The following TMC1 variants were observed in gnomAD, a reference collection of about 807,000 sequenced individuals.
The protein encoded by TMC1 is transmembrane channel-like protein 1.
Under a neutral mutation model 105.8 loss-of-function variants are expected in TMC1, and 84 were observed. The ratio of observed to expected loss-of-function variants is 0.79; its 90% CI spans 0.67 to 0.95. The LOEUF (loss-of-function observed/expected upper bound fraction) is 0.95. TMC1 is among the 40% of genes least tolerant of loss of function. The probability of loss-of-function intolerance (pLI) is 0.00; values close to 1 mark genes in which losing one functional copy is unlikely to be tolerated. For synonymous variants in TMC1, 315 were observed against 311.5 expected (o/e 1.01, Z -0.12); for missense variants, 817 against 914.1 (o/e 0.89, Z 1.37).
chr9:72,788,744 A>G (rs1348118423), intron 14 of TMC1, among the ~76,000 whole-genome samples: 1 of 152,232 alleles, frequency 6.6e-6, no homozygotes, highest in Non-Finnish European at 1.5e-5. Context: ...TAGGACCATG[A>G]GTAATCAGAA....
At chr9:72,730,895 T>C (rs986062313) in intron 8 of TMC1, among the ~76,000 whole-genome samples, 4 of 152,198 alleles carry the variant, frequency 2.6e-5, no homozygotes, top group Non-Finnish European at 4.4e-5. Context: ...TATGAAAATC[T>C]AATGTGACTG....
intron 10 of TMC1, among the ~76,000 whole-genome samples, chr9:72,750,944 A>G (rs1272360194): frequency 6.6e-6 from 1 of 152,162 alleles, no homozygotes; most frequent in Non-Finnish European, 1.5e-5. Context: ...GCTCTTCCCC[A>G]GCTCAGCATG....
intron 4 of TMC1, among the ~76,000 whole-genome samples, chr9:72,644,604 C>T (rs992762681): frequency 1.6e-4 from 25 of 152,054 alleles, no homozygotes; most frequent in Admixed American, 1.6e-3. Flanking sequence ...TTTTCTGTTT[C>T]AGTGATTCAT....
intron 16 of TMC1, 36 bp downstream of exon 16, chr9:72,792,101 G>C: frequency 6.2e-7 from 1 of 1,613,708 alleles, no homozygotes; most frequent in South Asian, 1.1e-5. Flanking sequence ...TGCCATAAGA[G>C]TGTTGTTCAA....
Position 72,541,408 on chromosome 9 carries a change from C to T in TMC1, c.-428+19495C>T, listed in dbSNP as rs527534476. On this transcript the variant is annotated intron_variant, in intron 1 of 23. Transcript: ENST00000297784. ...AATAACTTAAAGAGCCTAGAAGCGG[C>T]TGGGTGCGATGGCTCATGCCTATAA... Among the ~76,000 whole-genome samples the T allele has an allele frequency of 6.6e-5, 10 of 152,132 alleles. No homozygotes were observed. In the East Asian group the frequency reaches 1.7e-3, roughly 26 times the overall value.
Position 72,837,941 on chromosome 9 carries a change from C to A in TMC1, c.*1968C>A, listed in dbSNP as rs997156411. 2.0e-5 allele frequency: 3 copies of A among 152,080 alleles called. No homozygotes were observed. Among genetic ancestry groups the A allele is most frequent in the Admixed American group, 2.0e-4 (3 of 15,264 alleles). 9.4% of individuals were successfully genotyped at this position (152,080 alleles called of 1,614,324 possible). Reference sequence around the variant, plus strand: ...GGCTCTTATGTCTGTAATTCAGAGTCTATTATTTATATTGATTTTCATGTG... The same window carrying A: ...GGCTCTTATGTCTGTAATTCAGAGTATATTATTTATATTGATTTTCATGTG... On this transcript the variant is annotated 3_prime_UTR_variant, in exon 24 of 24. Transcript: ENST00000297784.
intron 8 of TMC1, among the ~76,000 whole-genome samples, chr9:72,720,618 T>C (rs1229583671): frequency 6.6e-6 from 1 of 152,208 alleles, no homozygotes; most frequent in Non-Finnish European, 1.5e-5. Flanking sequence ...CGCCTGATCA[T>C]AGCAGTAGCT....
chr9:72,589,940 G>C (rs978154170), intron 2 of TMC1, among the ~76,000 whole-genome samples: 6 of 152,160 alleles, frequency 3.9e-5, no homozygotes, highest in African/African-American at 1.2e-4. Context: ...CTGATGAACT[G>C]CAGGGTATCC....
At chr9:72,814,596 G>A (rs1828752942) in intron 18 of TMC1, among the ~76,000 whole-genome samples, 2 of 152,090 alleles carry the variant, frequency 1.3e-5, no homozygotes, top group Non-Finnish European at 1.5e-5. Context: ...ATTTCATTAT[G>A]TATCATCCTA....
intron 1 of TMC1, among the ~76,000 whole-genome samples, chr9:72,576,614 ATTTCTTTTTTTTTTT>A (rs1441484285): frequency 7.7e-6 from 1 of 129,556 alleles, no homozygotes; most frequent in Non-Finnish European, 1.6e-5. Context: ...TGGACTCCCA[ATTTCTTTTTTTTTTT>A]TTTCTTTTTT....
intron 1 of TMC1, among the ~76,000 whole-genome samples, chr9:72,527,777 G>A (rs1823430402): frequency 6.6e-6 from 1 of 152,220 alleles, no homozygotes; most frequent in Admixed American, 6.5e-5. Flanking sequence ...CGGTGCAAGG[G>A]GAAGGGGCTT....
chr9:72,603,485 C>G (rs1283012494), intron 2 of TMC1, among the ~76,000 whole-genome samples: 1 of 152,086 alleles, frequency 6.6e-6, no homozygotes, highest in African/African-American at 2.4e-5. Flanking sequence ...ACAGATTTCT[C>G]TGTTCTGAAG....
chr9:72,778,993 A>AC (rs1828049058), intron 13 of TMC1, among the ~76,000 whole-genome samples: 1 of 152,110 alleles, frequency 6.6e-6, no homozygotes, highest in Non-Finnish European at 1.5e-5. Flanking sequence ...ATGAGCACAG[A>AC]CCCCACTGCC....
rs1216149181 is a variant in TMC1, at chr9:72,695,648, C to A, written c.236+934C>A. On this transcript the variant is annotated intron_variant, in intron 7 of 23. Coordinates refer to ENST00000297784, the MANE Select transcript of TMC1 (RefSeq NM_138691.3). ...TCCCAAGATGACACACTTCTATACT[C>A]AATAGCTCTAACTATTGTGTTATTC... Among the ~76,000 whole-genome samples, 5 of 152,106 alleles carry A rather than the reference C, an allele frequency of 3.3e-5. 1 individual carries two copies. The highest frequency in any genetic ancestry group is 1.5e-5 in the Non-Finnish European group (1 of 68,014).
At chr9:72,656,174 C>T (rs995151284) in intron 5 of TMC1, 3 of 584,688 alleles carry the variant, frequency 5.1e-6, no homozygotes, top group South Asian at 2.8e-5. Flanking sequence ...GGTGTTTTTC[C>T]GGTATCCTTA....
intron 1 of TMC1, among the ~76,000 whole-genome samples, chr9:72,575,458 C>T (rs1020672220): frequency 1.3e-5 from 2 of 152,076 alleles, no homozygotes; most frequent in African/African-American, 4.8e-5. Flanking sequence ...TGGGATTACA[C>T]GTGTGAGCCA....
In TMC1 at chr9:72,648,271, T is replaced by C. The variant is rs547286836; in HGVS notation, c.-52-326T>C. Among the ~76,000 whole-genome samples the C allele has an allele frequency of 9.2e-4, 140 of 152,236 alleles. 2 individuals are homozygous for C. The highest frequency in any genetic ancestry group is 6.8e-3 in the South Asian group (33 of 4,828). ...TTACACTGCCCTCAATATATGTAAT[T>C]AGGATAAAACCATAGAATGGAAGGC... On this transcript the variant is annotated intron_variant, in intron 4 of 23. Transcript: ENST00000297784.
At chr9:72,830,907 G>A (rs1258697214) in intron 23 of TMC1, among the ~76,000 whole-genome samples, 1 of 151,802 alleles carries the variant, frequency 6.6e-6, no homozygotes, top group Non-Finnish European at 1.5e-5. Context: ...TGAAAATGTG[G>A]GCATATAAAC....
chr9:72,687,514 G>A (rs184829434), intron 5 of TMC1, among the ~76,000 whole-genome samples: 7 of 151,644 alleles, frequency 4.6e-5, no homozygotes, highest in Admixed American at 1.3e-4. Flanking sequence ...GCAACAGAAG[G>A]CATATGTTCA....
Sources: gnomAD v4.1 joint callset for allele counts (sites outside exome capture counted in the v4.1 genomes callset) on GRCh38, gnomAD v4.1.1 for gene constraint, MANE v1.5 for transcripts, NCBI Gene and HGNC (gene_info 2026-07-23, HGNC 2026-07-21) for gene names.